The following NTM variants were observed in gnomAD, a reference collection of about 807,000 sequenced individuals.
The protein encoded by NTM is neurotrimin.
A neutral mutation model predicts 42.1 loss-of-function variants in NTM; 13 were observed. The observed-to-expected ratio is 0.31, with a 90% CI of 0.20 to 0.49. The LOEUF is 0.49. Among genes scored for constraint, NTM ranks in the 20% least tolerant of loss-of-function variants. NTM has a pLI of 0.99. For synonymous variants in NTM, 187 were observed against 179.2 expected (o/e 1.04, Z -0.35); for missense variants, 373 against 452.8 (o/e 0.82, Z 1.60).
intron 1 of NTM, among the ~76,000 whole-genome samples, chr11:131,402,607 C>G (rs890318132): frequency 6.6e-6 from 1 of 152,126 alleles, no homozygotes; most frequent in Non-Finnish European, 1.5e-5. Flanking sequence ...CTCCCTCGTG[C>G]GTGCCCACTC....
chr11:131,510,806 T>C (rs370576427), intron 1 of NTM, among the ~76,000 whole-genome samples: 6 of 152,260 alleles, frequency 3.9e-5, no homozygotes, highest in African/African-American at 1.4e-4. Flanking sequence ...ACCGGGTCTG[T>C]GGGGGTGCTG....
chr11:131,784,813 A>G (rs1053095860), intron 1 of NTM, among the ~76,000 whole-genome samples: 1 of 152,186 alleles, frequency 6.6e-6, no homozygotes, highest in African/African-American at 2.4e-5. Context: ...TTCTAAATCT[A>G]TCTTTTTAGC....
At chr11:131,485,122 T>C (rs1177828123) in intron 1 of NTM, among the ~76,000 whole-genome samples, 1 of 152,218 alleles carries the variant, frequency 6.6e-6, no homozygotes, top group African/African-American at 2.4e-5. Flanking sequence ...TATTTGAAAT[T>C]CTCAGTTGGT....
At position 131,616,778 on chromosome 11, in the gene NTM, GGTGT is replaced by G. The variant is rs59890572; in HGVS notation, c.82+245921_82+245924del. On this transcript the variant is annotated intron_variant, in intron 1 of 8. Transcript: ENST00000683400. ...TTTTACAAGCACACTGTCTTGAGGG[GGTGT>G]GTGTGTGTGTGTGTGTGTGTGTGTG... Among the ~76,000 whole-genome samples, 2,661 of 141,974 alleles carry G rather than the reference GGTGT, an allele frequency of 0.019. 154 individuals carry two copies. The East Asian group carries it at 0.2, about 11-fold the overall frequency. The allele number at this position is 141,974 out of a possible 152,430, so 93.1% of individuals were successfully genotyped here.
intron 1 of NTM, among the ~76,000 whole-genome samples, chr11:131,690,269 C>T (rs1320653635): frequency 6.6e-6 from 1 of 152,206 alleles, no homozygotes; most frequent in Admixed American, 6.5e-5. Flanking sequence ...GGAATATGAA[C>T]AAAACTGTCA....
At chr11:131,774,695 T>C (rs1328365092) in intron 1 of NTM, among the ~76,000 whole-genome samples, 1 of 152,224 alleles carries the variant, frequency 6.6e-6, no homozygotes, top group Non-Finnish European at 1.5e-5. Flanking sequence ...CTCAGAGCAG[T>C]TCTCTTTGTG....
intron 1 of NTM, chr11:131,660,910 C>T: frequency 7.7e-7 from 1 of 1,294,468 alleles, no homozygotes. Flanking sequence ...ATGGCTTTCT[C>T]TTCTGTCTCT....
intron 3 of NTM, among the ~76,000 whole-genome samples, chr11:132,186,817 T>C (rs1032256072): frequency 3.9e-5 from 6 of 152,208 alleles, no homozygotes; most frequent in African/African-American, 1.4e-4. Flanking sequence ...ATAGGACTCT[T>C]GCAGGTTTGC....
intron 3 of NTM, among the ~76,000 whole-genome samples, chr11:132,147,821 A>G (rs923879256): frequency 1.3e-5 from 2 of 152,106 alleles, no homozygotes; most frequent in South Asian, 4.1e-4. Context: ...CTATGGGATG[A>G]TTGGTTAGAG....
At chr11:131,738,875 A>G (rs2080826500) in intron 1 of NTM, among the ~76,000 whole-genome samples, 1 of 152,324 alleles carries the variant, frequency 6.6e-6, no homozygotes, top group East Asian at 1.9e-4. Flanking sequence ...CAGACTTCAT[A>G]TGTCAGAAAG....
At chr11:131,513,417 G>A (rs951558010) in intron 1 of NTM, among the ~76,000 whole-genome samples, 3 of 152,078 alleles carry the variant, frequency 2.0e-5, no homozygotes, top group Non-Finnish European at 2.9e-5. Context: ...CAGCTAGACC[G>A]GAAATACTGA....
intron 4 of NTM, among the ~76,000 whole-genome samples, chr11:132,239,857 T>G (rs948566286): frequency 6.6e-6 from 1 of 152,256 alleles, no homozygotes; most frequent in Admixed American, 6.5e-5. Context: ...CTAATTTATT[T>G]TCATATTGTC....
Position 131,435,555 on chromosome 11 carries a change from C to G in NTM, c.82+64667C>G, listed in dbSNP as rs148021485. Reference sequence around the variant, plus strand: ...TTATTTGATTCTCTTTGTAGCAATTCTGAATGGGAGTTCACTCATGATTTG... The same window carrying G: ...TTATTTGATTCTCTTTGTAGCAATTGTGAATGGGAGTTCACTCATGATTTG... On this transcript the variant is annotated intron_variant, in intron 1 of 8. Transcript: ENST00000683400. Among the ~76,000 whole-genome samples, 489 of 152,238 alleles carry G rather than the reference C, an allele frequency of 3.2e-3. 11 individuals are homozygous for G. In the East Asian group the frequency reaches 0.038, roughly 12 times the overall value.
chr11:131,891,758 A>G (rs1007181752), intron 1 of NTM, among the ~76,000 whole-genome samples: 4 of 152,184 alleles, frequency 2.6e-5, no homozygotes, highest in African/African-American at 9.6e-5. Context: ...GAAGTGAGAT[A>G]AATGGCAGGC....
chr11:131,790,609 T>A (rs914002733), intron 1 of NTM, among the ~76,000 whole-genome samples: 3 of 152,184 alleles, frequency 2.0e-5, no homozygotes, highest in African/African-American at 7.2e-5. Flanking sequence ...TAGGCAAATG[T>A]TGCAATGTCA....
Position 132,189,781 on chromosome 11 carries a change from A to G in NTM, c.401-22241A>G, listed in dbSNP as rs2079009853. 2.0e-5 allele frequency among the ~76,000 whole-genome samples: 3 copies of G among 152,328 alleles called. No homozygotes were observed. In the South Asian group the frequency reaches 6.2e-4, roughly 32 times the overall value. ...CTTTGCCAGAAATATGTCTTTTAGT[A>G]CTGTAGAGCCACAAGAAAGAAAATG... On this transcript the variant is annotated intron_variant, in intron 3 of 8. Coordinates refer to ENST00000683400, the MANE Select transcript of NTM (RefSeq NM_001352005.2).
At chr11:131,695,092 C>A (rs570588130) in intron 1 of NTM, among the ~76,000 whole-genome samples, 1 of 152,152 alleles carries the variant, frequency 6.6e-6, no homozygotes, top group Admixed American at 6.5e-5. Context: ...ACGCACGATG[C>A]GTTGTCCAGG....
At chr11:132,181,425 A>T (rs1238703307) in intron 3 of NTM, among the ~76,000 whole-genome samples, 1 of 152,198 alleles carries the variant, frequency 6.6e-6, no homozygotes, top group African/African-American at 2.4e-5. Flanking sequence ...GTCTATTGAG[A>T]TTCTTAGCTT....
intron 1 of NTM, 183 bp from the exon 2 acceptor site, chr11:131,911,381 C>G: frequency 6.4e-7 from 1 of 1,572,712 alleles, no homozygotes; most frequent in East Asian, 2.3e-5. Context: ...GTTCACCGCT[C>G]AGTCCCCGCG....
Sources: gnomAD v4.1 joint callset for allele counts (sites outside exome capture counted in the v4.1 genomes callset) on GRCh38, gnomAD v4.1.1 for gene constraint, MANE v1.5 for transcripts, NCBI Gene and HGNC (gene_info 2026-07-23, HGNC 2026-07-21) for gene names.